RORA: variants seen among roughly 807,000 people sequenced by gnomAD.
RORA encodes RAR related orphan receptor A, also known as nuclear receptor ROR-alpha.
A neutral mutation model predicts 69.5 loss-of-function variants in RORA; 7 were observed. That is an observed-to-expected ratio of 0.10 (90% CI 0.06 to 0.19). RORA has a LOEUF of 0.19. Among genes scored for constraint, RORA ranks in the 10% least tolerant of loss-of-function variants. RORA has a pLI of 1.00. For synonymous variants in RORA, 261 were observed against 240.8 expected (o/e 1.08, Z -0.78); for missense variants, 457 against 663.0 (o/e 0.69, Z 3.41).
chr15:61,114,340 T>A (rs763395656), intron 1 of RORA, among the ~76,000 whole-genome samples: 28 of 152,188 alleles, frequency 1.8e-4, no homozygotes, highest in Non-Finnish European at 3.1e-4. Context: ...CAGGTAAGTT[T>A]TAGCTTTAAA....
intron 1 of RORA, among the ~76,000 whole-genome samples, chr15:60,733,633 G>C (rs772317731): frequency 5.3e-5 from 8 of 152,174 alleles, no homozygotes; most frequent in Non-Finnish European, 1.2e-4. Flanking sequence ...TCCCATAAAA[G>C]GGGATGGCAG....
chr15:61,012,284 AT>A (rs1370893389), intron 1 of RORA, among the ~76,000 whole-genome samples: 20 of 152,234 alleles, frequency 1.3e-4, no homozygotes, highest in Non-Finnish European at 2.5e-4. Flanking sequence ...AGCTAATACT[AT>A]CAACGCTTTC....
intron 1 of RORA, among the ~76,000 whole-genome samples, chr15:60,946,943 G>A (rs1283248930): frequency 2.0e-5 from 3 of 150,694 alleles, no homozygotes; most frequent in Admixed American, 1.3e-4. Context: ...GGTGAGGAGC[G>A]TCTCTGCCCC....
intron 2 of RORA, among the ~76,000 whole-genome samples, chr15:60,642,505 C>T (rs1567138509): frequency 6.6e-6 from 1 of 152,158 alleles, no homozygotes; most frequent in African/African-American, 2.4e-5. Flanking sequence ...AAATTTCAGG[C>T]AAGTAAACTG....
chr15:60,589,754 C>T (rs930898468), intron 2 of RORA, among the ~76,000 whole-genome samples: 1 of 152,110 alleles, frequency 6.6e-6, no homozygotes, highest in African/African-American at 2.4e-5. Context: ...GTTCAAAGGG[C>T]CTGATTTACT....
chr15:61,116,023 T>C (rs2079047403), intron 1 of RORA, among the ~76,000 whole-genome samples: 1 of 152,040 alleles, frequency 6.6e-6, no homozygotes, highest in South Asian at 2.1e-4. Flanking sequence ...GACCAGGCAA[T>C]GTAAAGGTGT....
intron 1 of RORA, among the ~76,000 whole-genome samples, chr15:61,181,647 GA>G (rs900258114): frequency 1.4e-3 from 18 of 13,094 alleles, no homozygotes; most frequent in Admixed American, 5.2e-3. Context: ...GCAGAACAAA[GA>G]AAAAAAAGTG....
At chr15:60,593,138 GC>G in intron 2 of RORA, 1 of 305,850 alleles carries the variant, frequency 3.3e-6, no homozygotes, top group Middle Eastern at 6.1e-4. Flanking sequence ...CTCGGCCTGG[GC>G]GGGGGAACTC....
chr15:61,148,855 C>T (rs924597310), intron 1 of RORA, among the ~76,000 whole-genome samples: 2 of 151,998 alleles, frequency 1.3e-5, no homozygotes, highest in Non-Finnish European at 2.9e-5. Context: ...AAAAATCTAC[C>T]CAGGTATGAA....
At chr15:60,895,819 G>T (rs939323739) in intron 1 of RORA, among the ~76,000 whole-genome samples, 1 of 152,002 alleles carries the variant, frequency 6.6e-6, no homozygotes, top group African/African-American at 2.4e-5. Flanking sequence ...TTTTTACCTT[G>T]TTCCACTTTT....
chr15:60,901,091 T>C (rs1242232410), intron 1 of RORA, among the ~76,000 whole-genome samples: 1 of 152,224 alleles, frequency 6.6e-6, no homozygotes, highest in Non-Finnish European at 1.5e-5. Flanking sequence ...TAAATACTTC[T>C]TGTCATTTAC....
chr15:60,732,557 A>G (rs1331000822), intron 1 of RORA, among the ~76,000 whole-genome samples: 2 of 152,178 alleles, frequency 1.3e-5, no homozygotes, highest in Non-Finnish European at 2.9e-5. Context: ...CCTTAACCTG[A>G]TTTGGCCAGC....
At chr15:61,023,875 T>C (rs1310043320) in intron 1 of RORA, among the ~76,000 whole-genome samples, 2 of 152,092 alleles carry the variant, frequency 1.3e-5, no homozygotes, top group Non-Finnish European at 2.9e-5. Context: ...TCCCACTAAC[T>C]CAAGAATAAG....
At chr15:60,692,070 A>G (rs1403056639) in intron 1 of RORA, among the ~76,000 whole-genome samples, 1 of 152,220 alleles carries the variant, frequency 6.6e-6, no homozygotes, top group Non-Finnish European at 1.5e-5. Flanking sequence ...TAGTTCTTAG[A>G]TACAACAGCT....
At chr15:60,714,985 C>A (rs1246241400) in intron 1 of RORA, among the ~76,000 whole-genome samples, 1 of 152,162 alleles carries the variant, frequency 6.6e-6, no homozygotes, top group Non-Finnish European at 1.5e-5. Flanking sequence ...GAATTCAAGT[C>A]TTTTGGCTTC....
At chr15:60,771,826 C>G (rs1465052547) in intron 1 of RORA, among the ~76,000 whole-genome samples, 1 of 152,292 alleles carries the variant, frequency 6.6e-6, no homozygotes, top group East Asian at 1.9e-4. Flanking sequence ...CCTGGTTCCT[C>G]CCCTACCTCT....
chr15:61,110,389 G>C (rs1187793966), intron 1 of RORA, among the ~76,000 whole-genome samples: 1 of 140,212 alleles, frequency 7.1e-6, no homozygotes, highest in Non-Finnish European at 1.5e-5. Context: ...GCGAGACTCA[G>C]TCTCAAAAAA....
Position 60,852,065 on chromosome 15 carries a change from A to G in RORA, c.167-173379T>C, listed in dbSNP as rs1460504408. Among the ~76,000 whole-genome samples, 5 of 152,190 alleles carry G rather than the reference A, an allele frequency of 3.3e-5. No homozygotes were observed. The East Asian group carries it at 9.6e-4, about 29-fold the overall frequency. ...ACTTTTTCCAATTTCACAATCCCTGACAGGCCCTGTCAGAGGGATCCCTGC... is the reference window on the plus strand; with the variant it reads ...ACTTTTTCCAATTTCACAATCCCTGGCAGGCCCTGTCAGAGGGATCCCTGC... On this transcript the variant is annotated intron_variant, in intron 1 of 10. Coordinates refer to ENST00000335670, the MANE Select transcript of RORA (RefSeq NM_134261.3).
chr15:60,503,151 A>C (rs1430129840), intron 7 of RORA, among the ~76,000 whole-genome samples: 5 of 152,244 alleles, frequency 3.3e-5, no homozygotes, highest in Non-Finnish European at 5.9e-5. Flanking sequence ...AGAGTCTCAG[A>C]GTTGCTAGGA....
Sources: allele counts gnomAD v4.1 joint callset (sites outside exome capture counted in the v4.1 genomes callset), GRCh38; gene constraint gnomAD v4.1.1; transcripts MANE v1.5; gene names NCBI Gene and HGNC (gene_info 2026-07-23, HGNC 2026-07-21).